The following TOM1L1 variants were observed in gnomAD, a reference collection of about 807,000 sequenced individuals.
TOM1L1 encodes target of myb1 like 1 membrane trafficking protein, also known as TOM1-like protein 1.
A neutral mutation model predicts 63.4 loss-of-function variants in TOM1L1; 64 were observed. The ratio of observed to expected loss-of-function variants is 1.01; its 90% confidence interval spans 0.83 to 1.24. The LOEUF is 1.24. Among genes scored for constraint, TOM1L1 ranks in the 50% most tolerant of loss-of-function variants. The pLI is 0.00. For synonymous variants in TOM1L1, 166 were observed against 194.4 expected (o/e 0.85, Z 1.22); for missense variants, 536 against 567.0 (o/e 0.95, Z 0.55).
chr17:54,925,466 A>T (rs2048752545), intron 7 of TOM1L1, among the ~76,000 whole-genome samples: 1 of 152,344 alleles, frequency 6.6e-6, no homozygotes, highest in East Asian at 1.9e-4. Context: ...GCACAGAGTT[A>T]AGGCAGAAAG....
intron 14 of TOM1L1, among the ~76,000 whole-genome samples, chr17:54,955,802 T>G (rs532207939): frequency 2.0e-5 from 3 of 152,282 alleles, no homozygotes; most frequent in East Asian, 3.9e-4. Context: ...GACCACTCTT[T>G]TAGTAGTTCA....
chr17:54,903,833 A>C lies in TOM1L1; in HGVS notation c.143+41A>C, dbSNP rs200241176. On this transcript the variant is annotated intron_variant, in intron 2 of 15. Transcript: ENST00000575882. ...TTTCCATGTATTTGCCTCTGACAAGAAGCATCAGAACTACAGCACGTTTTC... is the reference window on the plus strand; with the variant it reads ...TTTCCATGTATTTGCCTCTGACAAGCAGCATCAGAACTACAGCACGTTTTC... 3.8e-6 allele frequency: 6 copies of C among 1,562,844 alleles called. No individual in the cohort carries two copies. The East Asian group carries it at 1.3e-4, about 35-fold the overall frequency.
intron 8 of TOM1L1, 75 bp downstream of exon 8, chr17:54,930,281 G>A: frequency 6.3e-7 from 1 of 1,593,852 alleles, no homozygotes; most frequent in South Asian, 1.1e-5. Flanking sequence ...ATTCTTATCA[G>A]AGTGCCTACA....
At chr17:54,948,867 AT>A (rs551957720) in intron 12 of TOM1L1, among the ~76,000 whole-genome samples, 76 of 150,876 alleles carry the variant, frequency 5.0e-4, no homozygotes, top group African/African-American at 6.6e-4. Flanking sequence ...GTAGATTTAA[AT>A]TTTTTTTTTC....
intron 14 of TOM1L1, chr17:54,955,064 G>A (rs17817865): frequency 0.29 from 44,687 of 151,962 alleles, 6,899 homozygotes; most frequent in African/African-American, 0.35. Context: ...CCTAGTTCAC[G>A]ACATTCTACG....
intron 3 of TOM1L1, chr17:54,906,873 A>G (rs1234263063): frequency 2.8e-5 from 26 of 936,238 alleles, no homozygotes; most frequent in Non-Finnish European, 3.2e-5. Flanking sequence ...TTTATTCTGC[A>G]CGCCTTTGTT....
At chr17:54,940,327 G>A (rs1472545928) in intron 11 of TOM1L1, among the ~76,000 whole-genome samples, 1 of 152,114 alleles carries the variant, frequency 6.6e-6, no homozygotes, top group East Asian at 1.9e-4. Context: ...TACTTCTCAG[G>A]TTGGCAAAAG....
intron 7 of TOM1L1, among the ~76,000 whole-genome samples, chr17:54,928,134 G>A (rs1027799553): frequency 6.6e-6 from 1 of 152,214 alleles, no homozygotes. Context: ...TATATTAAAT[G>A]CCATTCTTAA....
chr17:54,929,369 T>C (rs2048819129), intron 7 of TOM1L1, among the ~76,000 whole-genome samples: 1 of 149,698 alleles, frequency 6.7e-6, no homozygotes, highest in African/African-American at 2.5e-5. Flanking sequence ...CTCTGATGCT[T>C]ATGAGAAAAA....
chr17:54,924,830 G>A lies in TOM1L1; in HGVS notation c.721-5243G>A, dbSNP rs539892842. On this transcript the variant is annotated intron_variant, in intron 7 of 15. Coordinates refer to ENST00000575882, the MANE Select transcript of TOM1L1 (RefSeq NM_005486.3). ...ATTCAAATCTGTATTCTTGGTATGAGATGGGGACTTTACCTTCATTTATTT... is the reference window on the plus strand; with the variant it reads ...ATTCAAATCTGTATTCTTGGTATGAAATGGGGACTTTACCTTCATTTATTT... Among the ~76,000 whole-genome samples, 225 of 152,324 alleles carry A rather than the reference G, an allele frequency of 1.5e-3. 8 individuals carry two copies. In the South Asian group the frequency reaches 0.045, roughly 31 times the overall value.
intron 6 of TOM1L1, 136 bp downstream of exon 6, chr17:54,914,879 G>GTAA: frequency 1.4e-6 from 1 of 721,392 alleles, no homozygotes; most frequent in Non-Finnish European, 2.4e-6. Context: ...CTGAGGCTTA[G>GTAA]TAATACTATG....
intron 8 of TOM1L1, among the ~76,000 whole-genome samples, chr17:54,931,888 G>A (rs978625071): frequency 3.3e-5 from 5 of 151,930 alleles, no homozygotes; most frequent in Middle Eastern, 3.4e-3. Flanking sequence ...GAAGGGCATC[G>A]ACTGAAGATG....
intron 10 of TOM1L1, 54 bp downstream of exon 10, chr17:54,937,280 G>A (rs1276615676): frequency 7.4e-7 from 1 of 1,347,376 alleles, no homozygotes; most frequent in African/African-American, 1.4e-5. Flanking sequence ...ATGTTAAACA[G>A]TTCTCCTTAA....
In TOM1L1 at chr17:54,912,740, G is replaced by A. The variant is rs377182495; in HGVS notation, c.297G>A (p.Glu99=). The change falls in exon 4 of 16, where the codon GAG becomes GAA. Residue 99 remains glutamate (E), a synonymous_variant. Transcript: ENST00000575882. ...SLIVKKEFVK[E]NLVKLLNPRY... ...TTGTGAAGAAGGAATTTGTTAAAGA[G>A]AATTTAGTTAAGCTACTGAATCCCA... is the stretch of plus-strand genomic sequence containing the variant. 4 of 1,611,586 alleles carry A rather than the reference G, an allele frequency of 2.5e-6. No homozygotes were observed. Among genetic ancestry groups the A allele is most frequent in the Non-Finnish European group, 3.4e-6 (4 of 1,179,286 alleles).
At chr17:54,903,975 G>A (rs2048368626) in intron 2 of TOM1L1, among the ~76,000 whole-genome samples, 183 bp downstream of exon 2, 2 of 152,218 alleles carry the variant, frequency 1.3e-5, no homozygotes, top group Admixed American at 1.3e-4. Flanking sequence ...GCTTCAACAT[G>A]TGGAGTATCC....
intron 7 of TOM1L1, among the ~76,000 whole-genome samples, chr17:54,926,623 T>C (rs1015277547): frequency 1.4e-5 from 2 of 147,380 alleles, no homozygotes; most frequent in African/African-American, 5.1e-5. Context: ...TTTGATCCTA[T>C]GAGGATTGTA....
intron 11 of TOM1L1, among the ~76,000 whole-genome samples, chr17:54,939,851 C>T (rs1388458651): frequency 6.6e-6 from 1 of 152,162 alleles, no homozygotes; most frequent in African/African-American, 2.4e-5. Context: ...AGCCTGTTAT[C>T]ATTATTCCCA....
intron 10 of TOM1L1, chr17:54,938,620 C>T (rs1037395312): frequency 1.4e-5 from 3 of 222,184 alleles, no homozygotes; most frequent in Non-Finnish European, 2.6e-5. Context: ...CATTCTGGAT[C>T]AGCTTGGGAT....
intron 10 of TOM1L1, chr17:54,937,994 A>G (rs2048976891): frequency 6.6e-6 from 1 of 152,170 alleles, no homozygotes; most frequent in Non-Finnish European, 1.5e-5. Context: ...CTCATATGTC[A>G]TCTGCTGTTT....
Sources: gnomAD v4.1 joint callset for allele counts (sites outside exome capture counted in the v4.1 genomes callset) on GRCh38, gnomAD v4.1.1 for gene constraint, MANE v1.5 for transcripts, NCBI Gene and HGNC (gene_info 2026-07-23, HGNC 2026-07-21) for gene names.